Variants in FREM1 observed in about 807,000 individuals in gnomAD.
FREM1 encodes FRAS1 related extracellular matrix 1.
Under a neutral mutation model 210.1 loss-of-function variants are expected in FREM1, and 220 were observed. That is an observed-to-expected ratio of 1.05 (90% CI 0.94 to 1.17). FREM1 has a LOEUF of 1.17. FREM1 is among the 50% of genes most tolerant of loss of function. The pLI, the probability that FREM1 is intolerant of heterozygous loss-of-function variation, is 0.00. For synonymous variants in FREM1, 1,189 were observed against 980.2 expected (o/e 1.21, Z -3.98); for missense variants, 3,454 against 2,675.5 (o/e 1.29, Z -6.42).
At chr9:14,746,790 T>C in intron 34 of FREM1, 133 bp downstream of exon 34, 8 of 1,111,572 alleles carry the variant, frequency 7.2e-6, no homozygotes, top group Non-Finnish European at 1.0e-5. Context: ...TTTTTCCTCT[T>C]GGCCTTCAAG....
rs1409127854 is a variant in FREM1, at chr9:14,846,166, A to T, written c.1262-75T>A. ...AAATGAGGCACATATACACCATGGA[A>T]TACTATGCAGCCATAAAAAATAATG... On this transcript the variant is annotated intron_variant, in intron 7 of 36. Coordinates refer to ENST00000380880, the MANE Select transcript of FREM1 (RefSeq NM_001379081.2). 2.5e-6 allele frequency: 3 copies of T among 1,208,188 alleles called. No homozygotes were observed. The South Asian group carries it at 4.0e-5, about 16-fold the overall frequency. The allele number at this position is 1,208,188 out of a possible 1,614,324, so 74.8% of individuals were successfully genotyped here.
intron 19 of FREM1, among the ~76,000 whole-genome samples, chr9:14,804,445 C>T (rs1368855643): frequency 8.5e-5 from 13 of 152,094 alleles, no homozygotes; most frequent in South Asian, 2.1e-4. Context: ...ATTAGCCGGG[C>T]GTGGTGGCGG....
intron 12 of FREM1, 144 bp from the exon 13 acceptor site, chr9:14,823,471 T>C: frequency 2.8e-6 from 2 of 718,994 alleles, no homozygotes; most frequent in Non-Finnish European, 4.4e-6. Flanking sequence ...AAAAGCTCTA[T>C]TTTTACTTCA....
chr9:14,769,174 A>T (rs1399563808), intron 27 of FREM1, among the ~76,000 whole-genome samples: 1 of 152,154 alleles, frequency 6.6e-6, no homozygotes, highest in Non-Finnish European at 1.5e-5. Flanking sequence ...CCCTTTATAT[A>T]CCTTCCAAAG....
At chr9:14,798,856 T>C (rs1852945085) in intron 20 of FREM1, among the ~76,000 whole-genome samples, 1 of 152,030 alleles carries the variant, frequency 6.6e-6, no homozygotes, top group Admixed American at 6.5e-5. Context: ...GTATTTTTAA[T>C]AGAGTCTGGG....
rs1460928809 is a variant in FREM1 at position 14,802,290 on chromosome 9, A to T, written c.3472-416T>A. 4.6e-5 allele frequency among the ~76,000 whole-genome samples: 7 copies of T among 152,212 alleles called. No individual in the cohort carries two copies. The East Asian group carries it at 1.2e-3, about 25-fold the overall frequency. On this transcript the variant is annotated intron_variant, in intron 19 of 36. Transcript: ENST00000380880. ...CCTCGTGGATCTCCTTGCTTCTACAAGTCTTACATTTCCATCTGCTTTATA... is the reference window on the plus strand; with the variant it reads ...CCTCGTGGATCTCCTTGCTTCTACATGTCTTACATTTCCATCTGCTTTATA...
Position 14,823,324 on chromosome 9 carries a change from C to T in FREM1, c.2173G>A (p.Ala725Thr). 1 of 1,612,650 alleles carries T rather than the reference C, an allele frequency of 6.2e-7. No individual in the cohort carries two copies. The highest frequency in any genetic ancestry group is 2.2e-5 in the East Asian group (1 of 44,864). ...TAGGCCACTTTCATATAGTTCACAG[C>T]ATGCTGCAAAGTAAGTTGAGATGGA... ...ALELRSFTQHAVNYMKVAYMP... is the reference protein window; with the variant it reads ...ALELRSFTQHTVNYMKVAYMP... Residue 725 changes from alanine to threonine, a missense_variant, in exon 13 of 37, where the codon GCT (alanine) becomes ACT (threonine). Coordinates refer to ENST00000380880, the MANE Select transcript of FREM1 (RefSeq NM_001379081.2).
At chr9:14,766,978 A>T (rs901653016) in intron 27 of FREM1, among the ~76,000 whole-genome samples, 1 of 152,214 alleles carries the variant, frequency 6.6e-6, no homozygotes, top group African/African-American at 2.4e-5. Context: ...CTACAACAGT[A>T]ATCACCACAA....
intron 28 of FREM1, among the ~76,000 whole-genome samples, chr9:14,757,023 C>T (rs1322327356): frequency 2.0e-5 from 3 of 152,076 alleles, no homozygotes; most frequent in African/African-American, 4.8e-5. Flanking sequence ...TTTGTGGAAC[C>T]GGAAGACCTG....
At chr9:14,756,003 C>T (rs1242438516) in intron 29 of FREM1, among the ~76,000 whole-genome samples, 1 of 152,166 alleles carries the variant, frequency 6.6e-6, no homozygotes, top group African/African-American at 2.4e-5. Flanking sequence ...TCCATATAAA[C>T]ATAACATTCT....
Position 14,836,853 on chromosome 9 carries a change from T to C in FREM1, c.1881+4594A>G, listed in dbSNP as rs916215577. Among the ~76,000 whole-genome samples the C allele has an allele frequency of 2.0e-5, 3 of 151,984 alleles. No homozygotes were observed. The highest frequency in any genetic ancestry group is 7.3e-5 in the African/African-American group (3 of 41,370). On this transcript the variant is annotated intron_variant, in intron 10 of 36. Coordinates refer to ENST00000380880, the MANE Select transcript of FREM1 (RefSeq NM_001379081.2). The surrounding 1 kb of genome is among the most constrained non-coding windows in gnomAD (Gnocchi z 4.9). ...TTCGCCCAAAACCCCCTAACTGCAG[T>C]TAGTGTGATATTGCCGCAGGGAGGA...
intron 21 of FREM1, among the ~76,000 whole-genome samples, chr9:14,797,078 A>T (rs1195348141): frequency 6.6e-6 from 1 of 152,238 alleles, no homozygotes; most frequent in Non-Finnish European, 1.5e-5. Flanking sequence ...CGCCACGCTT[A>T]GTTACAAGTT....
At chr9:14,821,791 G>T (rs1371007017) in intron 13 of FREM1, among the ~76,000 whole-genome samples, 1 of 152,224 alleles carries the variant, frequency 6.6e-6, no homozygotes, top group Non-Finnish European at 1.5e-5. Context: ...CTGCTGTAGG[G>T]TGTGCGGGTT....
At chr9:14,745,010 T>C (rs532473753) in intron 35 of FREM1, among the ~76,000 whole-genome samples, 5 of 152,238 alleles carry the variant, frequency 3.3e-5, no homozygotes, top group Admixed American at 6.5e-5. Flanking sequence ...AGCAAACTAA[T>C]GCAGGAACAG....
chr9:14,871,352 T>A (rs1832636137), intron 1 of FREM1, among the ~76,000 whole-genome samples: 1 of 152,246 alleles, frequency 6.6e-6, no homozygotes, highest in Non-Finnish European at 1.5e-5. Flanking sequence ...CCATTCTAAC[T>A]GGTGTGAGAT....
At chr9:14,773,422 T>A (rs75792566) in intron 25 of FREM1, among the ~76,000 whole-genome samples, 1 of 152,162 alleles carries the variant, frequency 6.6e-6, no homozygotes, top group East Asian at 1.9e-4. Flanking sequence ...GTGATCAACA[T>A]CCATATTGTC....
intron 30 of FREM1, among the ~76,000 whole-genome samples, chr9:14,749,865 C>T (rs1843041778): frequency 6.6e-6 from 1 of 152,160 alleles, no homozygotes; most frequent in Non-Finnish European, 1.5e-5. Flanking sequence ...ACTGTTTCCC[C>T]CTCGGTGAGA....
chr9:14,773,944 A>G (rs556030912), intron 25 of FREM1: 1 of 389,384 alleles, frequency 2.6e-6, no homozygotes, highest in Non-Finnish European at 5.0e-6. Context: ...GTATCAACCT[A>G]GGTTAGGGGA....
At chr9:14,821,128 A>G (rs193190663) in intron 13 of FREM1, among the ~76,000 whole-genome samples, 40 of 152,274 alleles carry the variant, frequency 2.6e-4, no homozygotes, top group Non-Finnish European at 2.4e-4. Flanking sequence ...TGGTGTCAAC[A>G]TCCTCCCGTG....
Sources: gnomAD v4.1 joint callset for allele counts (sites outside exome capture counted in the v4.1 genomes callset) on GRCh38, gnomAD v4.1.1 for gene constraint, Gnocchi (gnomAD v3.1) non-coding constraint, MANE v1.5 for transcripts, NCBI Gene and HGNC (gene_info 2026-07-23, HGNC 2026-07-21) for gene names.